Variants in GSTZ1 observed in about 807,000 individuals in gnomAD.
GSTZ1 encodes glutathione S-transferase zeta 1, also known as maleylacetoacetate isomerase.
A neutral mutation model predicts 35.9 loss-of-function variants in GSTZ1; 34 were observed. The ratio of observed to expected loss-of-function variants is 0.95; its 90% CI spans 0.72 to 1.26. The LOEUF (loss-of-function observed/expected upper bound fraction) is 1.26, where lower values mean the gene tolerates loss of function less well. Among genes scored for constraint, GSTZ1 ranks in the 50% most tolerant of loss-of-function variants. The pLI, the probability that GSTZ1 is intolerant of heterozygous loss-of-function variation, is 0.00. For missense variants in GSTZ1, 263 were observed against 271.7 expected (o/e 0.97, Z 0.23); for synonymous variants, 93 against 101.2 (o/e 0.92, Z 0.49).
intron 8 of GSTZ1, 135 bp downstream of exon 8, chr14:77,330,494 A>G: frequency 1.3e-6 from 1 of 755,202 alleles, no homozygotes; most frequent in East Asian, 2.5e-5. Context: ...CCACATAGCC[A>G]CTTCTGCCTG....
intron 1 of GSTZ1, 99 bp downstream of exon 1, chr14:77,321,282 A>C: frequency 6.6e-7 from 1 of 1,525,396 alleles, no homozygotes; most frequent in Non-Finnish European, 8.9e-7. Flanking sequence ...CCAGGCCGAC[A>C]ACGACTCCCG....
At chr14:77,323,312 A>G (rs975007392) in intron 1 of GSTZ1, 2 of 152,172 alleles carry the variant, frequency 1.3e-5, no homozygotes, top group Admixed American at 1.3e-4. Context: ...CAGGTGTTGT[A>G]TATAAAATAT....
chr14:77,327,864 C>T, intron 4 of GSTZ1, 48 bp from the exon 5 acceptor site: 1 of 1,600,948 alleles, frequency 6.2e-7, no homozygotes, highest in Non-Finnish European at 8.6e-7. Context: ...CCCCTCTGGT[C>T]CAGGGGTCCT....
chr14:77,321,059 C>T lies in GSTZ1; in HGVS notation c.-110C>T, dbSNP rs930013747. On this transcript the variant is annotated 5_prime_UTR_variant, in exon 1 of 9. Transcript: ENST00000216465. ...TTCTAGTCCAGCCCCTCGCTTTACC[C>T]GGACGAAAGACACGGGCCTGATTCG... 8 of 1,198,798 alleles carry T rather than the reference C, an allele frequency of 6.7e-6. No individual in the cohort carries two copies. The highest frequency in any genetic ancestry group is 1.6e-5 in the African/African-American group (1 of 64,444). 74.3% of individuals were successfully genotyped at this position (1,198,798 alleles called of 1,614,324 possible). A position where few individuals can be genotyped will look rare whatever the true frequency, so the allele number is the denominator to read the frequency against.
chr14:77,329,762 GCAGATCC>G lies in GSTZ1; in HGVS notation c.430_436del (p.Gln144TyrfsTer10). The G allele has an allele frequency of 6.2e-7, 1 of 1,613,600 alleles. No homozygotes were observed. Among genetic ancestry groups the G allele is most frequent in the Non-Finnish European group, 8.5e-7 (1 of 1,179,500 alleles). ...TATGTGGCCTCCCCACAGCCCTGGAGCAGATCCTACAGAGCACAGCGGGCATATACTG... is the reference window on the plus strand; with the variant it reads ...TATGTGGCCTCCCCACAGCCCTGGAGTACAGAGCACAGCGGGCATATACTG... On this transcript the variant is annotated frameshift_variant, in exon 7 of 9. Transcript: ENST00000216465. LOFTEE classifies it high-confidence loss of function.
chr14:77,321,439 C>T (rs538281216), intron 1 of GSTZ1: 8 of 1,522,908 alleles, frequency 5.3e-6, no homozygotes, highest in Admixed American at 2.0e-5. Flanking sequence ...GGTCGCGCTT[C>T]ACTTCTGCTC....
chr14:77,326,954 C>G, intron 3 of GSTZ1, 49 bp downstream of exon 3: 1 of 1,267,126 alleles, frequency 7.9e-7, no homozygotes, highest in Non-Finnish European at 1.1e-6. Context: ...AGGCCTTGAA[C>G]AGGCACCAGG....
At chr14:77,325,039 C>A in intron 2 of GSTZ1, 118 bp downstream of exon 2, 1 of 797,180 alleles carries the variant, frequency 1.3e-6, no homozygotes, top group South Asian at 1.4e-5. Flanking sequence ...GACCTCACCC[C>A]CAGCAACCAG....
In GSTZ1 at chr14:77,326,861, T is replaced by C; in HGVS notation, c.91T>C (p.Tyr31His). Reference protein sequence around the residue: ...RIALALKGIDYETVPINLIKD... With the variant: ...RIALALKGIDHETVPINLIKD... ...AGCTCTGGCCTTGAAAGGCATCGAC[T>C]ACGAGACGGTGCCCATCAATCTCAT... Residue 31 changes from tyrosine to histidine, a missense_variant, in exon 3 of 9, where the codon TAC becomes CAC. Transcript: ENST00000216465. 2 of 1,607,768 alleles carry C rather than the reference T, an allele frequency of 1.2e-6. No individual in the cohort carries two copies. Among genetic ancestry groups the C allele is most frequent in the Non-Finnish European group, 1.7e-6 (2 of 1,176,552 alleles).
chr14:77,329,988 G>C, intron 7 of GSTZ1, 181 bp downstream of exon 7: 5 of 650,490 alleles, frequency 7.7e-6, no homozygotes, highest in Non-Finnish European at 1.4e-5. Flanking sequence ...TAGAAGACTG[G>C]CTGTGAGAGG....
intron 1 of GSTZ1, chr14:77,324,659 G>C (rs1461698491): frequency 6.9e-7 from 1 of 1,441,610 alleles, no homozygotes; most frequent in East Asian, 2.5e-5. Context: ...GCCCCTTTGG[G>C]GGCCTCTTGG....
At chr14:77,326,273 G>C (rs1427904320) in intron 2 of GSTZ1, 5 of 152,246 alleles carry the variant, frequency 3.3e-5, no homozygotes, top group Admixed American at 3.3e-4. Flanking sequence ...CAAAGAGCCT[G>C]ATGCCTGTCT....
At position 77,330,365 on chromosome 14, in the gene GSTZ1, A is replaced by G; in HGVS notation, c.524+6A>G. The stretch of plus-strand genomic sequence containing the variant: ...CAGGTGGCAAATGCTGAAAGGTAAG[A>G]GAGAGCCCCGCCACCCTCCCTTCTC... On this transcript the variant is annotated splice_donor_region_variant and intron_variant, in intron 8 of 8. Coordinates refer to ENST00000216465, the MANE Select transcript of GSTZ1 (RefSeq NM_145870.3). The G allele has an allele frequency of 2.5e-6, 4 of 1,610,460 alleles. No individual in the cohort carries two copies. The highest frequency in any genetic ancestry group is 3.4e-6 in the Non-Finnish European group (4 of 1,176,732).
chr14:77,322,567 C>T (rs979089883), intron 1 of GSTZ1: 2 of 982,182 alleles, frequency 2.0e-6, no homozygotes, highest in Non-Finnish European at 2.4e-6. Flanking sequence ...CAGTCCCTGT[C>T]CCTTGGCACC....
At chr14:77,324,442 G>A (rs1892198730) in intron 1 of GSTZ1, 1 of 681,810 alleles carries the variant, frequency 1.5e-6, no homozygotes, top group South Asian at 1.6e-5. Context: ...CACTGTGCCT[G>A]GCCAGAAATG....
intron 1 of GSTZ1, 137 bp from the exon 2 acceptor site, chr14:77,324,733 T>A (rs1892221523): frequency 1.7e-6 from 2 of 1,148,024 alleles, no homozygotes; most frequent in Non-Finnish European, 2.6e-6. Context: ...CTCAGAGAGC[T>A]TGGAGTCTGC....
chr14:77,324,983 CG>C, intron 2 of GSTZ1, 62 bp downstream of exon 2: 1 of 1,409,476 alleles, frequency 7.1e-7, no homozygotes, highest in Non-Finnish European at 1.0e-6. Context: ...CGGATAAGCC[CG>C]GGTGCAAAGC....
intron 6 of GSTZ1, chr14:77,329,542 G>T (rs1892504292): frequency 3.3e-6 from 2 of 599,566 alleles, no homozygotes; most frequent in Admixed American, 5.8e-5. Context: ...CCACTCGAGT[G>T]GGGAAATGGT....
chr14:77,331,365 C>A lies in GSTZ1; in HGVS notation c.*170C>A. ...CCTCAGTCCCCTCATCTGTCACACG[C>A]ATGTGGGGTGGAGTAGGGAGATGCG... On this transcript the variant is annotated 3_prime_UTR_variant, in exon 9 of 9. Coordinates refer to ENST00000216465, the MANE Select transcript of GSTZ1 (RefSeq NM_145870.3). 1 of 716,292 alleles carries A rather than the reference C, an allele frequency of 1.4e-6. No individual in the cohort carries two copies. The highest frequency in any genetic ancestry group is 2.1e-5 in the South Asian group (1 of 48,208). 44.4% of individuals were successfully genotyped at this position (716,292 alleles called of 1,614,324 possible).
Sources: gnomAD v4.1 joint callset for allele counts on GRCh38, gnomAD v4.1.1 for gene constraint, MANE v1.5 for transcripts, NCBI Gene and HGNC (gene_info 2026-07-23, HGNC 2026-07-21) for gene names.